SORCS2: variants seen among roughly 807,000 people sequenced by gnomAD.
SORCS2 encodes the protein VPS10 domain-containing receptor SorCS2.
In SORCS2, 100 loss-of-function variants were observed where a neutral mutation model predicts 141.6. The observed-to-expected ratio is 0.71, with a 90% CI of 0.60 to 0.83. The LOEUF is 0.83. Among genes scored for constraint, SORCS2 ranks in the 40% least tolerant of loss-of-function variants. SORCS2 has a pLI of 0.00. For synonymous variants in SORCS2, 789 were observed against 676.9 expected (o/e 1.17, Z -2.57); for missense variants, 1,646 against 1,560.2 (o/e 1.05, Z -0.93).
At chr4:7,733,205 C>G (rs973808142) in intron 23 of SORCS2, 117 bp from the exon 24 acceptor site, 2 of 300,562 alleles carry the variant, frequency 6.7e-6, no homozygotes, top group Non-Finnish European at 1.1e-5. Flanking sequence ...TGGTAGAAGA[C>G]CCCCCCAACA....
At chr4:7,724,150 G>GGTGGTGGTGGTGTTGGTGGTGGTGATA (rs1560113013) in intron 19 of SORCS2, among the ~76,000 whole-genome samples, 29 of 135,474 alleles carry the variant, frequency 2.1e-4, no homozygotes, top group African/African-American at 8.9e-4. Context: ...TGATGGTCGT[G>GGTGGTGGTGGTGTTGGTGGTGGTGATA]GTGGTGGTGG....
chr4:7,683,861 C>T (rs1184066520), intron 10 of SORCS2, among the ~76,000 whole-genome samples: 1 of 152,200 alleles, frequency 6.6e-6, no homozygotes, highest in Non-Finnish European at 1.5e-5. Flanking sequence ...GTAGCTGGGA[C>T]TCTTGCCCGC....
At chr4:7,568,362 C>T (rs559161295) in intron 3 of SORCS2, among the ~76,000 whole-genome samples, 16 of 152,218 alleles carry the variant, frequency 1.1e-4, no homozygotes, top group African/African-American at 3.4e-4. Context: ...TACCTAATAG[C>T]GTAGGTATTC....
chr4:7,496,651 AG>A (rs1209260832), intron 2 of SORCS2, among the ~76,000 whole-genome samples: 3 of 152,068 alleles, frequency 2.0e-5, no homozygotes, highest in African/African-American at 4.8e-5. Context: ...GCCGGGAGAA[AG>A]GACAGTTTCT....
intron 2 of SORCS2, among the ~76,000 whole-genome samples, chr4:7,511,743 C>T (rs989351718): frequency 3.9e-5 from 6 of 152,162 alleles, no homozygotes; most frequent in African/African-American, 1.2e-4. Context: ...AGCAGCTCCT[C>T]TGGCTTCCCC....
In SORCS2 at chr4:7,547,802, G is replaced by A. The variant is rs186820669; in HGVS notation, c.648+16173G>A. Among the ~76,000 whole-genome samples the A allele has an allele frequency of 1.1e-3, 172 of 152,356 alleles. 1 individual carries two copies. Among genetic ancestry groups the A allele is most frequent in the Non-Finnish European group, 2.2e-3 (151 of 68,038 alleles). ...CCTTACCCCACAGATGCACCCCAGG[G>A]CAGGAACTCTGTCTCTTGCCTTTCT... On this transcript the variant is annotated intron_variant, in intron 3 of 26. Coordinates refer to ENST00000507866, the MANE Select transcript of SORCS2 (RefSeq NM_020777.3).
intron 3 of SORCS2, among the ~76,000 whole-genome samples, chr4:7,613,298 T>C (rs1718543130): frequency 6.6e-6 from 1 of 152,172 alleles, no homozygotes; most frequent in South Asian, 2.1e-4. Context: ...CCCAATAAAC[T>C]AACGAATGAG....
At chr4:7,427,961 G>A (rs1470713786) in intron 2 of SORCS2, among the ~76,000 whole-genome samples, 2 of 152,120 alleles carry the variant, frequency 1.3e-5, no homozygotes, top group African/African-American at 4.8e-5. Flanking sequence ...GGGGGATGGA[G>A]GTTGCACTGC....
intron 5 of SORCS2, among the ~76,000 whole-genome samples, chr4:7,654,697 C>T (rs147870736): frequency 1.3e-5 from 2 of 152,344 alleles, no homozygotes; most frequent in Non-Finnish European, 2.9e-5. Context: ...CCTGCTTATC[C>T]ACACCTGGGC....
At chr4:7,723,263 G>A (rs1249554133) in intron 18 of SORCS2, among the ~76,000 whole-genome samples, 3 of 152,104 alleles carry the variant, frequency 2.0e-5, no homozygotes, top group African/African-American at 4.8e-5. Flanking sequence ...CCAGGCAGGC[G>A]GCTTAGGCAC....
chr4:7,354,526 C>A (rs560455551), intron 1 of SORCS2, among the ~76,000 whole-genome samples: 2 of 152,218 alleles, frequency 1.3e-5, no homozygotes, highest in African/African-American at 4.8e-5. Context: ...TCAGAGGCTA[C>A]CGTGCAGCCC....
chr4:7,294,551 C>G (rs1308139793), intron 1 of SORCS2, among the ~76,000 whole-genome samples: 7 of 151,638 alleles, frequency 4.6e-5, no homozygotes, highest in Non-Finnish European at 2.9e-5. Context: ...CCCAGGGGTG[C>G]AGGGGGTGCT....
intron 1 of SORCS2, among the ~76,000 whole-genome samples, chr4:7,343,472 C>G (rs1044103584): frequency 2.6e-5 from 4 of 152,222 alleles, no homozygotes; most frequent in Non-Finnish European, 5.9e-5. Flanking sequence ...ACGTGCACAG[C>G]CCCGGGTTCA....
intron 2 of SORCS2, among the ~76,000 whole-genome samples, chr4:7,527,127 C>T (rs1018814287): frequency 6.6e-6 from 1 of 152,196 alleles, no homozygotes; most frequent in African/African-American, 2.4e-5. Flanking sequence ...CACCTCCGGC[C>T]GCCCTGTTGT....
intron 1 of SORCS2, among the ~76,000 whole-genome samples, chr4:7,285,497 G>A (rs542562401): frequency 1.7e-4 from 26 of 152,340 alleles, no homozygotes; most frequent in South Asian, 8.3e-4. Flanking sequence ...ACCACTGCAC[G>A]GAGCGCCTGG....
intron 9 of SORCS2, among the ~76,000 whole-genome samples, chr4:7,676,799 T>TTCTC (rs145811983): frequency 2.2e-4 from 7 of 32,256 alleles, no homozygotes; most frequent in East Asian, 8.8e-4. Context: ...AAGTCTGCCT[T>TTCTC]TCTGTCTCTC....
intron 1 of SORCS2, among the ~76,000 whole-genome samples, chr4:7,383,578 C>T (rs1340869306): frequency 6.6e-6 from 1 of 152,142 alleles, no homozygotes; most frequent in Non-Finnish European, 1.5e-5. Context: ...CAATTTCCAC[C>T]CACCTCCCGG....
intron 1 of SORCS2, among the ~76,000 whole-genome samples, chr4:7,365,057 C>T (rs1055582410): frequency 5.3e-5 from 8 of 152,178 alleles, no homozygotes; most frequent in South Asian, 2.1e-4. Flanking sequence ...TCATGTCCAG[C>T]GCTGAGCACT....
Position 7,531,535 on chromosome 4 carries a change from C to T in SORCS2, c.554C>T (p.Ser185Leu), listed in dbSNP as rs1711650567. 1 of 1,613,580 alleles carries T rather than the reference C, an allele frequency of 6.2e-7. No homozygotes were observed. Among genetic ancestry groups the T allele is most frequent in the Non-Finnish European group, 8.5e-7 (1 of 1,179,748 alleles). Residue 185 changes from serine to leucine, a missense_variant, in exon 3 of 27, where the codon TCA becomes TTA. Ser to Leu is a moderately radical substitution (Grantham distance 145, BLOSUM62 -2). Coordinates refer to ENST00000507866, the MANE Select transcript of SORCS2 (RefSeq NM_020777.3). ...CTGTCCCCCTTTTCCCCCAGGTCATCAGATTTCGGGACGTCCTACACCAAG... is the reference window on the plus strand; with the variant it reads ...CTGTCCCCCTTTTCCCCCAGGTCATTAGATTTCGGGACGTCCTACACCAAG... ...KVLESSLWRSSDFGTSYTKLT... is the reference protein window; with the variant it reads ...KVLESSLWRSLDFGTSYTKLT...
Sources: gnomAD v4.1 joint callset for allele counts (sites outside exome capture counted in the v4.1 genomes callset) on GRCh38, gnomAD v4.1.1 for gene constraint, MANE v1.5 for transcripts, NCBI Gene and HGNC (gene_info 2026-07-23, HGNC 2026-07-21) for gene names.